The following CFAP53 variants were observed in gnomAD, a reference collection of about 807,000 sequenced individuals.
CFAP53 encodes the protein cilia and flagella associated protein 53.
In CFAP53, 62 loss-of-function variants were observed where a neutral mutation model predicts 59.7. That is an observed-to-expected ratio of 1.04 (90% CI 0.85 to 1.28). CFAP53 has a LOEUF of 1.28. Ranked by LOEUF, CFAP53 falls within the 50% of genes most tolerant of loss-of-function variation. CFAP53 has a pLI of 0.00. For missense variants in CFAP53, 629 were observed against 615.6 expected, an observed-to-expected ratio of 1.02 and a Z score of -0.23; for synonymous variants, 218 against 205.7, an observed-to-expected ratio of 1.06 and a Z score of -0.51.
intron 7 of CFAP53, among the ~76,000 whole-genome samples, chr18:50,236,932 C>G (rs1488749395): frequency 1.3e-5 from 2 of 152,018 alleles, no homozygotes; most frequent in Non-Finnish European, 2.9e-5. Flanking sequence ...TTCCTTATCT[C>G]TCCACCAATT....
Position 50,250,757 on chromosome 18 carries a change from C to G in CFAP53, c.996+1G>C, listed in dbSNP as rs201166301. The G allele has an allele frequency of 1.7e-5, 28 of 1,613,458 alleles. No individual in the cohort carries two copies. The highest frequency in any genetic ancestry group is 1.9e-5 in the Non-Finnish European group (23 of 1,179,608). ...TAGCAGGCACCAAAAAAATGTCTTA[C>G]TCTTTTTTGTTTCTTTTTATCTGCC... On this transcript the variant is annotated splice_donor_variant, in intron 5 of 7. Transcript: ENST00000398545. LOFTEE classifies it high-confidence loss of function.
At chr18:50,257,334 CT>C (rs1434025189) in intron 3 of CFAP53, among the ~76,000 whole-genome samples, 8 of 152,242 alleles carry the variant, frequency 5.3e-5, no homozygotes, top group African/African-American at 1.7e-4. Flanking sequence ...TCAAATTATC[CT>C]TGTTTGCAGA....
intron 3 of CFAP53, among the ~76,000 whole-genome samples, chr18:50,254,340 A>G (rs1185456139): frequency 6.6e-6 from 1 of 152,210 alleles, no homozygotes; most frequent in Non-Finnish European, 1.5e-5. Flanking sequence ...AAGAAAATGT[A>G]CAGATGGAAA....
chr18:50,245,359 G>A (rs538459325), intron 5 of CFAP53, among the ~76,000 whole-genome samples: 51 of 139,894 alleles, frequency 3.6e-4, no homozygotes, highest in African/African-American at 1.3e-3. Context: ...TCCGCAGTCC[G>A]GCCTGGGCGA....
intron 5 of CFAP53, among the ~76,000 whole-genome samples, chr18:50,250,037 G>C (rs745574834): frequency 4.6e-5 from 7 of 151,802 alleles, no homozygotes; most frequent in Non-Finnish European, 2.9e-5. Flanking sequence ...TGGGCAACTT[G>C]GCAAAACCCT....
intron 3 of CFAP53, chr18:50,256,181 A>C (rs945826709): frequency 2.0e-5 from 3 of 152,202 alleles, no homozygotes; most frequent in African/African-American, 7.2e-5. Context: ...ACCACTTACG[A>C]ACCATTTTGT....
At chr18:50,256,979 C>T (rs188563602) in intron 3 of CFAP53, among the ~76,000 whole-genome samples, 75 of 149,364 alleles carry the variant, frequency 5.0e-4, no homozygotes, top group African/African-American at 1.7e-3. Flanking sequence ...GTGACACTCA[C>T]TCTCACAGAG....
In CFAP53 at chr18:50,261,161, TC is replaced by T; in HGVS notation, c.375del (p.Asp128IlefsTer3). ...EMQLKKETIEEKKDRMREKTK... is the reference protein window; with the variant it reads ...EMQLKKETIEXKKDRMREKTK... Reference sequence around the variant, plus strand: ...GTTTTCTCTCTCATCCTATCTTTTTTCTCCTCAATGGTTTCTTTCTTCAATT... The same window carrying T: ...GTTTTCTCTCTCATCCTATCTTTTTTTCCTCAATGGTTTCTTTCTTCAATT... On this transcript the variant is annotated frameshift_variant, in exon 3 of 8. Coordinates refer to ENST00000398545, the MANE Select transcript of CFAP53 (RefSeq NM_145020.5). LOFTEE classifies it high-confidence loss of function. The T allele has an allele frequency of 6.3e-7, 1 of 1,599,038 alleles. No homozygotes were observed. Among genetic ancestry groups the T allele is most frequent in the Non-Finnish European group, 8.5e-7 (1 of 1,176,182 alleles).
chr18:50,236,833 G>C (rs1258780086), intron 7 of CFAP53, among the ~76,000 whole-genome samples: 2 of 152,272 alleles, frequency 1.3e-5, no homozygotes, highest in Middle Eastern at 3.4e-3. Flanking sequence ...AGAATCATAA[G>C]AGATAATCAT....
At position 50,249,203 on chromosome 18, in the gene CFAP53, C is replaced by CAA. The variant is rs34676585; in HGVS notation, c.996+1553_996+1554dup. The stretch of plus-strand genomic sequence containing the variant: ...GGGCAACAAGAGCAAAATTCTATCT[C>CAA]AAAAAAAAAAAAAAAAAAAAGAATA... On this transcript the variant is annotated intron_variant, in intron 5 of 7. Coordinates refer to ENST00000398545, the MANE Select transcript of CFAP53 (RefSeq NM_145020.5). 8.1e-4 allele frequency among the ~76,000 whole-genome samples: 85 copies of CAA among 105,110 alleles called. 1 individual carries two copies. The highest frequency in any genetic ancestry group is 2.3e-3 in the African/African-American group (60 of 26,326). 69.0% of individuals were successfully genotyped at this position (105,110 alleles called of 152,430 possible).
intron 1 of CFAP53, 112 bp from the exon 2 acceptor site, chr18:50,262,331 A>T: frequency 7.5e-6 from 6 of 804,710 alleles, no homozygotes; most frequent in Admixed American, 2.5e-5. Context: ...GGTATAAAAA[A>T]CTAATACATC....
At chr18:50,247,693 G>C (rs1008098548) in intron 5 of CFAP53, among the ~76,000 whole-genome samples, 12 of 152,302 alleles carry the variant, frequency 7.9e-5, no homozygotes, top group Non-Finnish European at 1.6e-4. Flanking sequence ...TATGCTAAGT[G>C]AAAGAAGACA....
chr18:50,265,101 C>T (rs748504624), intron 1 of CFAP53, among the ~76,000 whole-genome samples: 5 of 152,154 alleles, frequency 3.3e-5, no homozygotes, highest in Admixed American at 2.0e-4. Flanking sequence ...CATTATTTAC[C>T]GTGCTAACCT....
chr18:50,266,352 G>C lies in CFAP53; in HGVS notation c.53C>G (p.Pro18Arg), dbSNP rs750494377. 4.3e-6 allele frequency: 7 copies of C among 1,614,140 alleles called. No homozygotes were observed. In the South Asian group the frequency reaches 5.5e-5, roughly 13 times the overall value. The change falls in exon 1 of 8, where the codon CCC becomes CGC. Residue 18 changes from proline to arginine, a missense_variant. Coordinates refer to ENST00000398545, the MANE Select transcript of CFAP53 (RefSeq NM_145020.5). Reference protein sequence around the residue: ...TVQREVKGPTPKVVIVRSKPP... With the variant: ...TVQREVKGPTRKVVIVRSKPP... ...TGTGCTTACCACGATCACCACTTTGGGGGTGGGGCCCTTAACCTCCCGCTG... is the reference window on the plus strand; with the variant it reads ...TGTGCTTACCACGATCACCACTTTGCGGGTGGGGCCCTTAACCTCCCGCTG...
intron 3 of CFAP53, among the ~76,000 whole-genome samples, chr18:50,253,453 A>T (rs2033820111): frequency 6.6e-6 from 1 of 152,176 alleles, no homozygotes; most frequent in Admixed American, 6.5e-5. Context: ...TATCATCCCC[A>T]TCTTAGAGTT....
intron 2 of CFAP53, 29 bp from the exon 3 acceptor site, chr18:50,261,266 A>G (rs774591525): frequency 5.3e-6 from 8 of 1,504,400 alleles, no homozygotes; most frequent in Non-Finnish European, 7.0e-6. Context: ...AAAAAAAAAA[A>G]AAAAAGAAAA....
intron 3 of CFAP53, among the ~76,000 whole-genome samples, chr18:50,252,426 C>T (rs2033810186): frequency 6.6e-6 from 1 of 151,702 alleles, no homozygotes; most frequent in Admixed American, 6.6e-5. Flanking sequence ...TTTTAAGAGA[C>T]AAGGTCTCAC....
Position 50,266,377 on chromosome 18 carries a change from G to C in CFAP53, c.28C>G (p.Gln10Glu). ...GGGGTGGGGCCCTTAACCTCCCGCT[G>C]TACGGTGCCAAACCGCTGGCTGTAC... MYSQRFGTV[Q>E]REVKGPTPKV... The change falls in exon 1 of 8, where the codon CAG becomes GAG. Residue 10 changes from glutamine to glutamate, a missense_variant. Coordinates refer to ENST00000398545, the MANE Select transcript of CFAP53 (RefSeq NM_145020.5). 1.2e-6 allele frequency: 2 copies of C among 1,614,272 alleles called. No individual in the cohort carries two copies. The highest frequency in any genetic ancestry group is 2.7e-5 in the African/African-American group (2 of 75,074).
intron 7 of CFAP53, among the ~76,000 whole-genome samples, chr18:50,237,607 G>A (rs997557538): frequency 6.6e-6 from 1 of 151,766 alleles, no homozygotes; most frequent in African/African-American, 2.4e-5. Context: ...AACAGGGAGG[G>A]TGACCAGTAA....
Sources: gnomAD v4.1 joint callset for allele counts (sites outside exome capture counted in the v4.1 genomes callset) on GRCh38, gnomAD v4.1.1 for gene constraint, MANE v1.5 for transcripts, NCBI Gene and HGNC (gene_info 2026-07-23, HGNC 2026-07-21) for gene names.